The following CLIP4 variants were observed in gnomAD, a reference collection of about 807,000 sequenced individuals.
CLIP4 encodes the protein CAP-Gly domain containing linker protein family member 4.
A neutral mutation model predicts 73.1 loss-of-function variants in CLIP4; 47 were observed. That is an observed-to-expected ratio of 0.64 (90% confidence interval 0.51 to 0.82). The LOEUF (loss-of-function observed/expected upper bound fraction) is 0.82. Among genes scored for constraint, CLIP4 ranks in the 40% least tolerant of loss-of-function variants. CLIP4 has a pLI of 0.00. For missense variants in CLIP4, 874 were observed against 852.9 expected (o/e 1.02, Z -0.31); for synonymous variants, 306 against 295.4 (o/e 1.04, Z -0.37).
chr2:29,137,015 G>A (rs1403567345), intron 6 of CLIP4, among the ~76,000 whole-genome samples: 1 of 151,402 alleles, frequency 6.6e-6, no homozygotes, highest in Non-Finnish European at 1.5e-5. Flanking sequence ...TTTGATAGCC[G>A]CCATCTTATT....
intron 2 of CLIP4, among the ~76,000 whole-genome samples, chr2:29,125,314 C>T: frequency 6.6e-6 from 1 of 152,188 alleles, no homozygotes; most frequent in East Asian, 1.9e-4. Flanking sequence ...GCACTAATCC[C>T]TGTAGTCCTT....
chr2:29,132,147 T>C lies in CLIP4; in HGVS notation c.274-5T>C. ...TTGTAACCATATTTTCCTTGACTGC[T>C]TCAGATTCTTAAGAGAGGTTGCAAT... On this transcript the variant is annotated splice_region_variant and splice_polypyrimidine_tract_variant and intron_variant, in intron 3 of 15. Transcript: ENST00000320081. The C allele has an allele frequency of 6.2e-7, 1 of 1,612,074 alleles. No homozygotes were observed. Among genetic ancestry groups the C allele is most frequent in the Non-Finnish European group, 8.5e-7 (1 of 1,178,356 alleles).
chr2:29,172,593 T>A (rs1668081412), intron 14 of CLIP4, among the ~76,000 whole-genome samples: 1 of 152,104 alleles, frequency 6.6e-6, no homozygotes, highest in African/African-American at 2.4e-5. Context: ...CATTACGGAT[T>A]TTTCTGTATC....
intron 14 of CLIP4, among the ~76,000 whole-genome samples, chr2:29,174,006 C>T (rs1341582226): frequency 1.3e-5 from 2 of 152,136 alleles, no homozygotes; most frequent in African/African-American, 4.8e-5. Context: ...AAAGTAATGT[C>T]ATGCTCTTCA....
intron 2 of CLIP4, among the ~76,000 whole-genome samples, chr2:29,123,500 G>C (rs1018368756): frequency 3.3e-5 from 5 of 152,166 alleles, no homozygotes; most frequent in Non-Finnish European, 7.3e-5. Flanking sequence ...GAGAACAATG[G>C]GGGCAAGGCA....
rs143268544 is a variant in CLIP4 at position 29,157,469 on chromosome 2, T to C, written c.1399+122T>C. ...TTACTTCAATCAGATTGAACTACTT[T>C]TACTCTTCCCCACCTCCCCCGAACC... On this transcript the variant is annotated intron_variant, in intron 11 of 15. Transcript: ENST00000320081. 317 of 1,511,210 alleles carry C rather than the reference T, an allele frequency of 2.1e-4. 1 individual carries two copies. In the East Asian group the frequency reaches 5.9e-3, roughly 28 times the overall value. 93.6% of individuals were successfully genotyped at this position (1,511,210 alleles called of 1,614,324 possible).
chr2:29,129,007 G>T (rs530227698), intron 2 of CLIP4, among the ~76,000 whole-genome samples: 1 of 152,196 alleles, frequency 6.6e-6, no homozygotes, highest in African/African-American at 2.4e-5. Flanking sequence ...TAATGTTTCA[G>T]TATTTATCTT....
chr2:29,165,813 A>G (rs552826411), intron 13 of CLIP4, among the ~76,000 whole-genome samples: 1 of 152,274 alleles, frequency 6.6e-6, no homozygotes, highest in African/African-American at 2.4e-5. Context: ...TTTATGCTGT[A>G]ACAGCTTTTT....
At chr2:29,161,676 C>T (rs1226072831) in intron 12 of CLIP4, among the ~76,000 whole-genome samples, 1 of 152,144 alleles carries the variant, frequency 6.6e-6, no homozygotes, top group Non-Finnish European at 1.5e-5. Flanking sequence ...GCGAGCGAGC[C>T]AGGTGTCACC....
chr2:29,181,737 TGGACTTGAGCTCCGAAGCGCCAA>T lies in CLIP4; in HGVS notation c.1965_1987del (p.Leu656LysfsTer3), dbSNP rs1290894460. 1 of 1,614,018 alleles carries T rather than the reference TGGACTTGAGCTCCGAAGCGCCAA, an allele frequency of 6.2e-7. No individual in the cohort carries two copies. The highest frequency in any genetic ancestry group is 1.3e-5 in the African/African-American group (1 of 74,900). ...CTGACTTTGCTTCAGGTATCTGGCT[TGGACTTGAGCTCCGAAGCGCCAA>T]GGGAAAAAATGATGGGTCAGTGGGT... On this transcript the variant is annotated frameshift_variant, in exon 16 of 16. Transcript: ENST00000320081. LOFTEE classifies it high-confidence loss of function.
chr2:29,156,505 G>A (rs1666933876), intron 10 of CLIP4, 62 bp downstream of exon 10: 2 of 1,203,058 alleles, frequency 1.7e-6, no homozygotes, highest in Admixed American at 2.5e-5. Context: ...TTAAAATATG[G>A]TAGGAAAACA....
intron 12 of CLIP4, among the ~76,000 whole-genome samples, chr2:29,160,884 C>T (rs1270474793): frequency 3.3e-5 from 5 of 152,072 alleles, no homozygotes; most frequent in African/African-American, 1.2e-4. Flanking sequence ...GCTCAAAATA[C>T]ATGTTTTTGG....
At chr2:29,168,710 G>C (rs1321083901) in intron 14 of CLIP4, among the ~76,000 whole-genome samples, 2 of 151,306 alleles carry the variant, frequency 1.3e-5, no homozygotes, top group Non-Finnish European at 2.9e-5. Flanking sequence ...TTTTAGTAGA[G>C]ACGGGGTTTC....
At chr2:29,128,325 A>G (rs1364841191) in intron 2 of CLIP4, among the ~76,000 whole-genome samples, 1 of 151,952 alleles carries the variant, frequency 6.6e-6, no homozygotes, top group Admixed American at 6.6e-5. Flanking sequence ...TACCCAAAAG[A>G]TTCAAGATTC....
Position 29,166,062 on chromosome 2 carries a change from A to G in CLIP4, c.1659-1414A>G, listed in dbSNP as rs114541532. 4.4e-3 allele frequency among the ~76,000 whole-genome samples: 673 copies of G among 151,908 alleles called. 11 individuals are homozygous for G. Among genetic ancestry groups the G allele is most frequent in the African/African-American group, 0.015 (626 of 41,420 alleles). On this transcript the variant is annotated intron_variant, in intron 13 of 15. Coordinates refer to ENST00000320081, the MANE Select transcript of CLIP4 (RefSeq NM_024692.6). ...TCATCTTCTGATTGTCTCATTCATC[A>G]TCATCAAATACTATTAAGTGTCTTT... is the stretch of plus-strand genomic sequence containing the variant.
intron 8 of CLIP4, among the ~76,000 whole-genome samples, chr2:29,148,291 T>C (rs1015120792): frequency 1.3e-5 from 2 of 152,212 alleles, no homozygotes; most frequent in Non-Finnish European, 2.9e-5. Flanking sequence ...TTTCTCTCTT[T>C]CCAAATCTAT....
At chr2:29,153,031 T>G (rs1666682184) in intron 9 of CLIP4, among the ~76,000 whole-genome samples, 1 of 152,208 alleles carries the variant, frequency 6.6e-6, no homozygotes, top group African/African-American at 2.4e-5. Flanking sequence ...TTCCTTCCTT[T>G]TTTCTCTTTA....
rs914051966 is a variant in CLIP4 at position 29,105,307 on chromosome 2, A to G, written c.-16+7360A>G. On this transcript the variant is annotated intron_variant, in intron 1 of 14. Transcript: ENST00000401605. ...TAAAGAAATCTAAGTTGAATTGGTAAAAGAATCTCAAGGTAACTGTCTTTT... is the reference window on the plus strand; with the variant it reads ...TAAAGAAATCTAAGTTGAATTGGTAGAAGAATCTCAAGGTAACTGTCTTTT... 7.2e-5 allele frequency among the ~76,000 whole-genome samples: 11 copies of G among 152,356 alleles called. No individual in the cohort carries two copies. In the South Asian group the frequency reaches 2.3e-3, roughly 32 times the overall value.
chr2:29,149,440 C>A (rs1666398468), intron 8 of CLIP4, among the ~76,000 whole-genome samples: 1 of 146,552 alleles, frequency 6.8e-6, no homozygotes. Context: ...GAGTTCATAC[C>A]ATTTTTATTC....
Sources: allele counts gnomAD v4.1 joint callset (sites outside exome capture counted in the v4.1 genomes callset), GRCh38; gene constraint gnomAD v4.1.1; transcripts MANE v1.5; gene names NCBI Gene and HGNC (gene_info 2026-07-23, HGNC 2026-07-21).